Variants in METAP1D observed in about 807,000 individuals in gnomAD.
The protein encoded by METAP1D is methionine aminopeptidase 1D, mitochondrial.
Under a neutral mutation model 40.5 loss-of-function variants are expected in METAP1D, and 31 were observed. That is an observed-to-expected ratio of 0.77 (90% CI 0.58 to 1.03). The LOEUF is 1.03. Ranked by LOEUF, METAP1D falls within the 50% of genes least tolerant of loss-of-function variation. METAP1D has a pLI of 0.00. For synonymous variants in METAP1D, 151 were observed against 146.4 expected, an observed-to-expected ratio of 1.03 and a Z score of -0.22; for missense variants, 411 against 420.7, an observed-to-expected ratio of 0.98 and a Z score of 0.20.
rs546393329 is a variant in METAP1D at position 172,001,655 on chromosome 2, G to C, written c.40+1646G>C. 3.3e-5 allele frequency among the ~76,000 whole-genome samples: 5 copies of C among 152,308 alleles called. No individual in the cohort carries two copies. In the East Asian group the frequency reaches 9.6e-4, roughly 29 times the overall value. On this transcript the variant is annotated intron_variant, in intron 1 of 9. Coordinates refer to ENST00000315796, the MANE Select transcript of METAP1D (RefSeq NM_199227.3). ...AGTATTTCAGTGTTAGTGGAGATGA[G>C]AAAGGGGCCACAGGAAGATTTGAGG... is the stretch of plus-strand genomic sequence containing the variant.
chr2:172,039,383 AC>A (rs1423707027), intron 1 of METAP1D, among the ~76,000 whole-genome samples: 4 of 152,056 alleles, frequency 2.6e-5, no homozygotes, highest in African/African-American at 9.7e-5. Flanking sequence ...AGCAGCTACA[AC>A]TCCAGGCCTC....
rs769301479 is a variant in METAP1D, at chr2:172,061,589, A to T, written c.132A>T (p.Arg44Ser). Residue 44 changes from arginine (R) to serine (S), a missense_variant, in exon 2 of 10, where the codon AGA becomes AGT. By Grantham distance (110) the Arg-to-Ser change is moderately radical (BLOSUM62 -1). Coordinates refer to ENST00000315796, the MANE Select transcript of METAP1D (RefSeq NM_199227.3). Reference sequence around the variant, plus strand: ...AAAGAAGAAATTTCTTTTTTCGGAGACAAAGAGATATTTCACACAGTATAG... The same window carrying T: ...AAAGAAGAAATTTCTTTTTTCGGAGTCAAAGAGATATTTCACACAGTATAG... ...SQQRRNFFFR[R>S]QRDISHSIVL... The T allele has an allele frequency of 6.2e-7, 1 of 1,613,998 alleles. No individual in the cohort carries two copies. The highest frequency in any genetic ancestry group is 1.7e-4 in the Middle Eastern group (1 of 6,048).
In METAP1D at chr2:172,080,444, T is replaced by A. The variant is rs572530345; in HGVS notation, c.*38T>A. On this transcript the variant is annotated 3_prime_UTR_variant, in exon 10 of 10. Coordinates refer to ENST00000315796, the MANE Select transcript of METAP1D (RefSeq NM_199227.3). ...AGGTCGCGGTGACCTGGTGCCTTTT[T>A]AAATAAATTGCTGAAATTTGGCTGG... 48 of 1,600,602 alleles carry A rather than the reference T, an allele frequency of 3.0e-5. No individual in the cohort carries two copies. The highest frequency in any genetic ancestry group is 3.9e-5 in the Non-Finnish European group (45 of 1,168,218).
chr2:172,016,309 A>G (rs1688861971), intron 1 of METAP1D, among the ~76,000 whole-genome samples: 1 of 91,002 alleles, frequency 1.1e-5, no homozygotes, highest in Non-Finnish European at 2.4e-5. Flanking sequence ...AAATATATAT[A>G]TATATATATA....
At chr2:172,063,980 T>C in intron 3 of METAP1D, 120 bp downstream of exon 3, 1 of 1,224,544 alleles carries the variant, frequency 8.2e-7, no homozygotes, top group Non-Finnish European at 1.1e-6. Flanking sequence ...AATTTATTTG[T>C]TTTAAATTAA....
In METAP1D at chr2:172,073,427, C is replaced by G. The variant is rs79306896; in HGVS notation, c.704+2357C>G. 2.9e-3 allele frequency among the ~76,000 whole-genome samples: 433 copies of G among 151,880 alleles called. 5 individuals are homozygous for G. Among genetic ancestry groups the G allele is most frequent in the East Asian group, 0.016 (81 of 5,176 alleles). On this transcript the variant is annotated intron_variant, in intron 6 of 9. Coordinates refer to ENST00000315796, the MANE Select transcript of METAP1D (RefSeq NM_199227.3). ...AGAAGAAGAGTAGAATTGAAAGTGA[C>G]ATTGGATTTTAGCTATCTGGATACA...
At chr2:172,000,381 C>T (rs1027030575) in intron 1 of METAP1D, among the ~76,000 whole-genome samples, 2 of 152,220 alleles carry the variant, frequency 1.3e-5, no homozygotes, top group African/African-American at 2.4e-5. Context: ...CATCTGGACA[C>T]CCGGTTCCCT....
At chr2:172,060,446 C>G (rs1690113620) in intron 1 of METAP1D, among the ~76,000 whole-genome samples, 1 of 151,048 alleles carries the variant, frequency 6.6e-6, no homozygotes, top group South Asian at 2.1e-4. Context: ...AAGTCTTCCT[C>G]TCTACCTCTA....
chr2:172,027,492 A>G (rs896972707), intron 1 of METAP1D, among the ~76,000 whole-genome samples: 1 of 152,202 alleles, frequency 6.6e-6, no homozygotes, highest in Non-Finnish European at 1.5e-5. Context: ...TATACCATCT[A>G]GGTTTGTGTA....
intron 1 of METAP1D, among the ~76,000 whole-genome samples, chr2:172,008,153 A>G (rs1460468866): frequency 1.3e-5 from 2 of 150,026 alleles, no homozygotes; most frequent in Non-Finnish European, 2.9e-5. Context: ...ATGTTCCTCT[A>G]TAAAATGGTA....
At chr2:172,006,857 T>C (rs912633958) in intron 1 of METAP1D, among the ~76,000 whole-genome samples, 12 of 152,186 alleles carry the variant, frequency 7.9e-5, no homozygotes, top group African/African-American at 2.4e-4. Context: ...ATTCCAGATA[T>C]ATTATTTCAT....
At chr2:172,080,015 G>C in intron 8 of METAP1D, 113 bp from the exon 9 acceptor site, 1 of 858,648 alleles carries the variant, frequency 1.2e-6, no homozygotes, top group Non-Finnish European at 1.9e-6. Context: ...GAGCCTGTGG[G>C]GGAAGCACTT....
At chr2:172,016,107 A>G (rs1365931954) in intron 1 of METAP1D, among the ~76,000 whole-genome samples, 1 of 146,206 alleles carries the variant, frequency 6.8e-6, no homozygotes, top group Non-Finnish European at 1.5e-5. Flanking sequence ...AAAAAAAAAA[A>G]CAAAAAAAGA....
chr2:172,026,512 G>T (rs1012104738), intron 1 of METAP1D, among the ~76,000 whole-genome samples: 6 of 152,142 alleles, frequency 3.9e-5, no homozygotes, highest in Non-Finnish European at 7.3e-5. Context: ...AGTAGCTCAT[G>T]AATCTCTCCC....
intron 1 of METAP1D, among the ~76,000 whole-genome samples, chr2:172,029,549 G>A (rs1340254206): frequency 6.6e-6 from 1 of 152,202 alleles, no homozygotes; most frequent in Non-Finnish European, 1.5e-5. Context: ...CTGACTAAGA[G>A]AAACTGTCAA....
At chr2:172,011,576 G>A (rs1471922560) in intron 1 of METAP1D, among the ~76,000 whole-genome samples, 21 of 152,116 alleles carry the variant, frequency 1.4e-4, no homozygotes, top group Non-Finnish European at 7.3e-5. Context: ...GAGCCACCGC[G>A]CCCGGCCTAA....
At chr2:172,011,534 T>G (rs879362668) in intron 1 of METAP1D, among the ~76,000 whole-genome samples, 8 of 152,200 alleles carry the variant, frequency 5.3e-5, no homozygotes, top group Non-Finnish European at 1.2e-4. Flanking sequence ...TCCTCCTGCC[T>G]TGGCCTCCCA....
rs149187370 is a variant in METAP1D, at chr2:172,025,300, T to G, written c.40+25291T>G. Among the ~76,000 whole-genome samples, 262 of 152,234 alleles carry G rather than the reference T, an allele frequency of 1.7e-3. 1 individual carries two copies. Among genetic ancestry groups the G allele is most frequent in the African/African-American group, 6.0e-3 (250 of 41,540 alleles). On this transcript the variant is annotated intron_variant, in intron 1 of 9. Transcript: ENST00000315796. Reference sequence around the variant, plus strand: ...GATGGGTATTATATTAACTGAGAATTTTTTTAGCTTTTTGTTATGGAAAAA... The same window carrying G: ...GATGGGTATTATATTAACTGAGAATGTTTTTAGCTTTTTGTTATGGAAAAA...
At position 172,066,284 on chromosome 2, in the gene METAP1D, A is replaced by G. The variant is rs1335947791; in HGVS notation, c.518A>G (p.Asp173Gly). The G allele has an allele frequency of 4.6e-5, 74 of 1,611,728 alleles. No homozygotes were observed. The highest frequency in any genetic ancestry group is 6.1e-5 in the Non-Finnish European group (72 of 1,179,388). ...IPDSRPLQDG[D>G]IINIDVTVYY... The stretch of plus-strand genomic sequence containing the variant: ...TTTAGTCGACCTCTTCAGGATGGAG[A>G]TATTATCAACATTGATGTCACAGTG... The change falls in exon 5 of 10, where the codon GAT (aspartate) becomes GGT (glycine). Residue 173 changes from aspartate to glycine, a missense_variant. Physicochemically the swap from Asp to Gly is moderately conservative, Grantham distance 94. Transcript: ENST00000315796.
Sources: gnomAD v4.1 joint callset for allele counts (sites outside exome capture counted in the v4.1 genomes callset) on GRCh38, gnomAD v4.1.1 for gene constraint, MANE v1.5 for transcripts, NCBI Gene and HGNC (gene_info 2026-07-23, HGNC 2026-07-21) for gene names.